The following SMARCC1 variants were observed in gnomAD, a reference collection of about 807,000 sequenced individuals.
SMARCC1 encodes SWI/SNF related BAF chromatin remodeling complex subunit C1.
SMARCC1 carries 43 observed loss-of-function variants against 147.4 expected under a neutral mutation model. The ratio of observed to expected loss-of-function variants is 0.29; its 90% CI spans 0.23 to 0.38. The LOEUF (loss-of-function observed/expected upper bound fraction) is 0.38. SMARCC1 is among the 10% of genes least tolerant of loss of function. SMARCC1 has a pLI of 1.00. For synonymous variants in SMARCC1, 495 were observed against 484.4 expected (o/e 1.02, Z -0.29); for missense variants, 1,119 against 1,381.1 (o/e 0.81, Z 3.01).
At chr3:47,759,633 A>G (rs1216638669) in intron 2 of SMARCC1, among the ~76,000 whole-genome samples, 6 of 148,832 alleles carry the variant, frequency 4.0e-5, no homozygotes, top group African/African-American at 9.9e-5. Flanking sequence ...AAAAAAAAAA[A>G]AAAGAAAAAG....
intron 7 of SMARCC1, among the ~76,000 whole-genome samples, chr3:47,718,457 T>G (rs1012687359): frequency 1.3e-5 from 2 of 152,074 alleles, no homozygotes; most frequent in Non-Finnish European, 2.9e-5. Flanking sequence ...AGAGAATGTA[T>G]TTCTTTTTAA....
intron 6 of SMARCC1, among the ~76,000 whole-genome samples, chr3:47,725,032 C>CAAAAAAAAAAA (rs35548192): frequency 3.2e-5 from 1 of 31,640 alleles, no homozygotes; most frequent in Non-Finnish European, 5.5e-5. Context: ...ACTGTCTCCA[C>CAAAAAAAAAAA]AAAAAAAAAA....
chr3:47,663,772 C>A, intron 19 of SMARCC1: 1 of 1,565,772 alleles, frequency 6.4e-7, no homozygotes, highest in Non-Finnish European at 8.8e-7. Context: ...CCATAGGTTG[C>A]CTGGCCACGG....
chr3:47,747,311 G>C (rs1043482292), intron 2 of SMARCC1, among the ~76,000 whole-genome samples: 1 of 151,384 alleles, frequency 6.6e-6, no homozygotes, highest in Non-Finnish European at 1.5e-5. Flanking sequence ...GGGGGAGTGT[G>C]CCTGTAGCCC....
rs1024779850 is a variant in SMARCC1 at position 47,625,882 on chromosome 3, C to A, written c.2647-3541G>T. ...AGAAGTCCACTGAAAAGAGGCCAGG[C>A]GCAGTTGCCTACCATCTGTAATCCC... On this transcript the variant is annotated intron_variant, in intron 24 of 27. Coordinates refer to ENST00000254480, the MANE Select transcript of SMARCC1 (RefSeq NM_003074.4). 2.6e-5 allele frequency among the ~76,000 whole-genome samples: 4 copies of A among 151,540 alleles called. No individual in the cohort carries two copies. The East Asian group carries it at 5.9e-4, about 22-fold the overall frequency.
intron 11 of SMARCC1, among the ~76,000 whole-genome samples, chr3:47,695,901 T>C (rs2033844347): frequency 1.0e-5 from 1 of 97,420 alleles, no homozygotes; most frequent in Non-Finnish European, 2.0e-5. Context: ...CCGTCTCTAC[T>C]AAAAATACAA....
At chr3:47,752,540 C>T (rs1267025798) in intron 2 of SMARCC1, among the ~76,000 whole-genome samples, 2 of 152,070 alleles carry the variant, frequency 1.3e-5, no homozygotes, top group African/African-American at 2.4e-5. Context: ...AATTCTAACA[C>T]GTTGAGAGGC....
At chr3:47,680,673 A>G (rs1035351757) in intron 14 of SMARCC1, among the ~76,000 whole-genome samples, 165 bp from the exon 15 acceptor site, 11 of 141,656 alleles carry the variant, frequency 7.8e-5, no homozygotes, top group African/African-American at 1.6e-4. Context: ...TCAGCCTCCC[A>G]AGTAGCTGGG....
At chr3:47,685,556 TAA>T (rs34711590) in intron 14 of SMARCC1, among the ~76,000 whole-genome samples, 11 of 139,354 alleles carry the variant, frequency 7.9e-5, no homozygotes, top group Admixed American at 7.2e-5. Context: ...TGTTTTTCTT[TAA>T]AAAAAAAAAA....
At chr3:47,600,621 C>G (rs2032366957) in intron 26 of SMARCC1, among the ~76,000 whole-genome samples, 1 of 152,154 alleles carries the variant, frequency 6.6e-6, no homozygotes, top group South Asian at 2.1e-4. Context: ...ATTCTCTTTT[C>G]CTTTACCCCA....
At chr3:47,613,207 C>T (rs528796389) in intron 25 of SMARCC1, among the ~76,000 whole-genome samples, 75 of 152,106 alleles carry the variant, frequency 4.9e-4, no homozygotes, top group African/African-American at 1.5e-3. Flanking sequence ...TGTTCAGTTA[C>T]ATAAGATAAC....
intron 18 of SMARCC1, among the ~76,000 whole-genome samples, chr3:47,671,098 C>G (rs138420555): frequency 9.9e-4 from 138 of 139,716 alleles, no homozygotes; most frequent in African/African-American, 3.5e-3. Context: ...GGCAAGAGAA[C>G]CCAGGAGGCA....
chr3:47,610,435 T>C, intron 25 of SMARCC1, 108 bp from the exon 26 acceptor site: 2 of 1,131,712 alleles, frequency 1.8e-6, no homozygotes, highest in Non-Finnish European at 2.6e-6. Context: ...CCCATCACAC[T>C]GACATCACCA....
chr3:47,709,257 T>C (rs2034054780), intron 9 of SMARCC1, among the ~76,000 whole-genome samples: 1 of 151,648 alleles, frequency 6.6e-6, no homozygotes, highest in Non-Finnish European at 1.5e-5. Flanking sequence ...CGAGACCCCT[T>C]GTCAAGGGAA....
intron 21 of SMARCC1, among the ~76,000 whole-genome samples, chr3:47,652,687 A>G (rs2106723831): frequency 6.6e-6 from 1 of 152,142 alleles, no homozygotes; most frequent in South Asian, 2.1e-4. Context: ...CAAATGGCCA[A>G]TCAAAAATCC....
At chr3:47,663,318 G>C (rs191684527) in intron 19 of SMARCC1, among the ~76,000 whole-genome samples, 3 of 151,406 alleles carry the variant, frequency 2.0e-5, no homozygotes, top group Non-Finnish European at 4.4e-5. Context: ...AAAATTCTAA[G>C]GAAGCTATAA....
intron 13 of SMARCC1, among the ~76,000 whole-genome samples, chr3:47,686,501 C>T (rs1367004459): frequency 6.6e-6 from 1 of 152,178 alleles, no homozygotes. Flanking sequence ...ACCCAGATCT[C>T]GTTCCATAAT....
intron 18 of SMARCC1, among the ~76,000 whole-genome samples, chr3:47,674,070 GA>G (rs2033538794): frequency 6.6e-6 from 1 of 152,170 alleles, no homozygotes; most frequent in African/African-American, 2.4e-5. Flanking sequence ...CCTGAATCAG[GA>G]CTTTTGTCAT....
chr3:47,672,357 C>T (rs1474758925), intron 18 of SMARCC1, among the ~76,000 whole-genome samples: 3 of 152,124 alleles, frequency 2.0e-5, no homozygotes, highest in Non-Finnish European at 2.9e-5. Context: ...AGGCGCCCGC[C>T]AACACGCCCG....
Sources: allele counts gnomAD v4.1 joint callset (sites outside exome capture counted in the v4.1 genomes callset), GRCh38; gene constraint gnomAD v4.1.1; transcripts MANE v1.5; gene names NCBI Gene and HGNC (gene_info 2026-07-23, HGNC 2026-07-21).